The following BOD1L1 variants were observed in gnomAD, a reference collection of about 807,000 sequenced individuals.
BOD1L1 encodes biorientation of chromosomes in cell division protein 1-like 1.
A neutral mutation model predicts 240.7 loss-of-function variants in BOD1L1; 86 were observed. The observed-to-expected ratio is 0.36, with a 90% CI of 0.30 to 0.43. The LOEUF (loss-of-function observed/expected upper bound fraction) is 0.43, where lower values mean the gene tolerates loss of function less well. BOD1L1 is among the 20% of genes least tolerant of loss of function. BOD1L1 has a pLI of 1.00. For synonymous variants in BOD1L1, 1,268 were observed against 1,272.3 expected (o/e 1.00, Z 0.07); for missense variants, 3,554 against 3,643.5 (o/e 0.98, Z 0.63).
intron 22 of BOD1L1, 77 bp from the exon 23 acceptor site, chr4:13,577,708 TGTCA>T: frequency 9.3e-7 from 1 of 1,073,384 alleles, no homozygotes; most frequent in Non-Finnish European, 1.4e-6. Context: ...CTGGCTTGTC[TGTCA>T]ATGTATCAGT....
chr4:13,626,976 G>A lies in BOD1L1; in HGVS notation c.243+369C>T, dbSNP rs573323541. On this transcript the variant is annotated intron_variant, in intron 1 of 25. Transcript: ENST00000040738. ...TCTCCAAAGGATAAAGGCCCTTACC[G>A]CCCAGAAACCTTCAAGAAAGAAGGC... 2.2e-4 allele frequency among the ~76,000 whole-genome samples: 33 copies of A among 152,174 alleles called. No individual in the cohort carries two copies. In the South Asian group the frequency reaches 6.8e-3, roughly 32 times the overall value.
At position 13,599,970 on chromosome 4, in the gene BOD1L1, G is replaced by C. The variant is rs199562175; in HGVS notation, c.6930C>G (p.Leu2310=). 1 of 1,611,686 alleles carries C rather than the reference G, an allele frequency of 6.2e-7. No individual in the cohort carries two copies. The highest frequency in any genetic ancestry group is 8.5e-7 in the Non-Finnish European group (1 of 1,178,862). Residue 2310 remains leucine (L), a synonymous_variant, in exon 10 of 26, where the codon CTC becomes CTG. Transcript: ENST00000040738. ...TGATGGTGAGCCGATCTTCATCCTG[G>C]AGGACAGCACCAATCATGACTGCTT... ...GCEAVMIGAV[L]QDEDRLTITR...
intron 22 of BOD1L1, 166 bp from the exon 23 acceptor site, chr4:13,577,797 G>C (rs1577311634): frequency 2.2e-6 from 1 of 459,544 alleles, no homozygotes; most frequent in East Asian, 3.5e-5. Context: ...ACCTAGCAGA[G>C]ATCACATTGG....
chr4:13,584,440 G>T (rs1019783029), intron 17 of BOD1L1, among the ~76,000 whole-genome samples: 25 of 127,104 alleles, frequency 2.0e-4, no homozygotes, highest in Non-Finnish European at 3.7e-4. Flanking sequence ...AAGAGAGAGA[G>T]AGTGTGTGTG....
In BOD1L1 at chr4:13,599,457, T is replaced by C. The variant is rs898630073; in HGVS notation, c.7443A>G (p.Ala2481=). The change falls in exon 10 of 26, where the codon GCA becomes GCG. Residue 2481 remains alanine, a synonymous_variant. Coordinates refer to ENST00000040738, the MANE Select transcript of BOD1L1 (RefSeq NM_148894.3). ...AATAACTTGCTGTGCTACTGCCCCC[T>C]GCTGTCCCTGTCTCTGGGCTCTTAT... ...KEDKSPETGT[A]GGSSTASYSA... The C allele has an allele frequency of 6.2e-7, 1 of 1,614,024 alleles. No homozygotes were observed. The highest frequency in any genetic ancestry group is 1.3e-5 in the African/African-American group (1 of 75,060).
intron 1 of BOD1L1, chr4:13,625,137 T>G (rs1717297670): frequency 6.6e-6 from 1 of 152,244 alleles, no homozygotes; most frequent in Admixed American, 6.5e-5. Flanking sequence ...ACCTTGTTCA[T>G]ATAAACAAGT....
chr4:13,627,278 G>A (rs941770007), intron 1 of BOD1L1, 67 bp downstream of exon 1: 11 of 935,934 alleles, frequency 1.2e-5, no homozygotes, highest in African/African-American at 1.8e-5. Context: ...GGAAGCCACT[G>A]CAAAAGAAGC....
intron 2 of BOD1L1, among the ~76,000 whole-genome samples, chr4:13,618,416 G>A (rs186443409): frequency 6.6e-6 from 1 of 152,328 alleles, no homozygotes; most frequent in African/African-American, 2.4e-5. Context: ...CTAGTCCTAA[G>A]CTATTTTGGT....
chr4:13,582,785 C>A (rs746896859), intron 17 of BOD1L1, 49 bp from the exon 18 acceptor site: 5 of 1,268,696 alleles, frequency 3.9e-6, no homozygotes, highest in Non-Finnish European at 5.7e-6. Context: ...CTGAAGCCTT[C>A]GTCCATTCAT....
chr4:13,610,725 G>A (rs917887843), intron 6 of BOD1L1, among the ~76,000 whole-genome samples: 5 of 152,102 alleles, frequency 3.3e-5, no homozygotes, highest in Admixed American at 1.3e-4. Flanking sequence ...CACCCATTTC[G>A]GATAAGGGAT....
Position 13,615,295 on chromosome 4 carries a change from G to A in BOD1L1, c.559+17C>T. On this transcript the variant is annotated intron_variant, in intron 3 of 25. Coordinates refer to ENST00000040738, the MANE Select transcript of BOD1L1 (RefSeq NM_148894.3). ...GAAGAAAAACAATGGAACTGACCAAGAGTAAAAGCAAAGCACCTTGTGTAA... is the reference window on the plus strand; with the variant it reads ...GAAGAAAAACAATGGAACTGACCAAAAGTAAAAGCAAAGCACCTTGTGTAA... 6.3e-7 allele frequency: 1 copy of A among 1,587,202 alleles called. No homozygotes were observed. The highest frequency in any genetic ancestry group is 8.6e-7 in the Non-Finnish European group (1 of 1,165,206).
Position 13,576,821 on chromosome 4 carries a change from T to G in BOD1L1, c.9038+17A>C. 6.2e-7 allele frequency: 1 copy of G among 1,600,484 alleles called. No homozygotes were observed. Among genetic ancestry groups the G allele is most frequent in the Non-Finnish European group, 8.5e-7 (1 of 1,176,032 alleles). Reference sequence around the variant, plus strand: ...AGCTGGTGAAGGTCTCTGGCAGCTCTGTGCTGCCCCCATTACCTCTGAGCC... The same window carrying G: ...AGCTGGTGAAGGTCTCTGGCAGCTCGGTGCTGCCCCCATTACCTCTGAGCC... On this transcript the variant is annotated intron_variant, in intron 25 of 25. Coordinates refer to ENST00000040738, the MANE Select transcript of BOD1L1 (RefSeq NM_148894.3).
Position 13,604,077 on chromosome 4 carries a change from T to C in BOD1L1, c.2823A>G (p.Pro941=), listed in dbSNP as rs769349048. The change falls in exon 10 of 26, where the codon CCA becomes CCG. Residue 941 remains proline, a synonymous_variant. Transcript: ENST00000040738. ...GATKQATTPK[P]DKEKNTEEND... ...TTTCTTCTGTGTTCTTCTCCTTGTC[T>C]GGTTTTGGAGTGGTTGCCTGTTTTG... is the stretch of plus-strand genomic sequence containing the variant. 21 of 1,613,864 alleles carry C rather than the reference T, an allele frequency of 1.3e-5. No homozygotes were observed. In the East Asian group the frequency reaches 1.8e-4, roughly 14 times the overall value.
chr4:13,581,223 A>T lies in BOD1L1; in HGVS notation c.8593-16T>A. ...GCTGATCTTCCTAAGGGGGAAATAA[A>T]AAACAACAACAGCAATAAGAAAAAA... On this transcript the variant is annotated splice_polypyrimidine_tract_variant and intron_variant, in intron 19 of 25. Transcript: ENST00000040738. The T allele has an allele frequency of 6.6e-7, 1 of 1,518,074 alleles. No individual in the cohort carries two copies. Among genetic ancestry groups the T allele is most frequent in the Non-Finnish European group, 8.8e-7 (1 of 1,131,690 alleles). 94.0% of individuals were successfully genotyped at this position (1,518,074 alleles called of 1,614,324 possible).
At chr4:13,619,159 C>T (rs1052403779) in intron 2 of BOD1L1, among the ~76,000 whole-genome samples, 2 of 151,752 alleles carry the variant, frequency 1.3e-5, no homozygotes, top group East Asian at 3.9e-4. Flanking sequence ...CCTGTCTCTA[C>T]AAAAAAATAC....
At chr4:13,618,939 T>G (rs891724582) in intron 2 of BOD1L1, among the ~76,000 whole-genome samples, 2 of 152,128 alleles carry the variant, frequency 1.3e-5, no homozygotes, top group Non-Finnish European at 2.9e-5. Context: ...TCAGGGAGAC[T>G]GGATGATCTC....
chr4:13,626,730 T>C (rs1717422238), intron 1 of BOD1L1, among the ~76,000 whole-genome samples: 1 of 152,178 alleles, frequency 6.6e-6, no homozygotes, highest in Admixed American at 6.5e-5. Context: ...CTCTCCTGCA[T>C]CTTTTCTCCA....
Position 13,600,075 on chromosome 4 carries a change from C to G in BOD1L1, c.6825G>C (p.Glu2275Asp). Residue 2275 changes from glutamate to aspartate, a missense_variant, in exon 10 of 26, where the codon GAG becomes GAC. Around this residue, in one of 2 missense-constraint regions of BOD1L1, gnomAD observed 3,393 missense variants for 3,427.1 expected, o/e 0.99. Coordinates refer to ENST00000040738, the MANE Select transcript of BOD1L1 (RefSeq NM_148894.3). The part of the protein sequence containing the change: ...EGPVSSAVPQ[E>D]EGDPSVTPAE... ...CTGGTGTGACTGAGGGGTCGCCTTC[C>G]TCTTGAGGGACAGCACTGGACACTG... 6.2e-7 allele frequency: 1 copy of G among 1,613,408 alleles called. No homozygotes were observed. Among genetic ancestry groups the G allele is most frequent in the South Asian group, 1.1e-5 (1 of 90,968 alleles).
chr4:13,577,513 A>AT, intron 23 of BOD1L1, 26 bp from the exon 24 acceptor site: 1 of 1,609,862 alleles, frequency 6.2e-7, no homozygotes, highest in Non-Finnish European at 8.5e-7. Flanking sequence ...TTAAAGTCAA[A>AT]AGGGTGGTCA....
Sources: gnomAD v4.1 joint callset for allele counts (sites outside exome capture counted in the v4.1 genomes callset) on GRCh38, gnomAD v4.1.1 for gene constraint, gnomAD v4.1.1 regional missense constraint, MANE v1.5 for transcripts, NCBI Gene and HGNC (gene_info 2026-07-23, HGNC 2026-07-21) for gene names.